The following CCDC30 variants were observed in gnomAD, a reference collection of about 807,000 sequenced individuals.
CCDC30 encodes coiled-coil domain containing 30, also known as coiled-coil domain-containing protein 30.
A neutral mutation model predicts 100.2 loss-of-function variants in CCDC30; 70 were observed. The observed-to-expected ratio is 0.70, with a 90% CI of 0.58 to 0.85. The LOEUF (loss-of-function observed/expected upper bound fraction) is 0.85. Among genes scored for constraint, CCDC30 ranks in the 40% least tolerant of loss-of-function variants. The pLI is 0.00. For synonymous variants in CCDC30, 233 were observed against 269.5 expected (o/e 0.86, Z 1.33); for missense variants, 652 against 771.2 (o/e 0.85, Z 1.83).
chr1:42,497,059 T>G (rs1644242878), intron 4 of CCDC30, 39 bp from the exon 5 acceptor site: 10 of 1,120,510 alleles, frequency 8.9e-6, no homozygotes, highest in Non-Finnish European at 1.0e-5. Flanking sequence ...AACTAAAACT[T>G]TGATCCAGTT....
At chr1:42,544,996 T>C (rs528158114) in intron 6 of CCDC30, among the ~76,000 whole-genome samples, 2 of 151,914 alleles carry the variant, frequency 1.3e-5, no homozygotes, top group East Asian at 1.9e-4. Flanking sequence ...GTTTTTATTA[T>C]ATATTATTGC....
At chr1:42,623,817 T>G (rs1345970420) in intron 11 of CCDC30, among the ~76,000 whole-genome samples, 1 of 152,228 alleles carries the variant, frequency 6.6e-6, no homozygotes, top group Non-Finnish European at 1.5e-5. Context: ...TGTAGATTGC[T>G]TTTGGTAATA....
At chr1:42,642,315 T>C (rs914560990) in intron 12 of CCDC30, among the ~76,000 whole-genome samples, 158 bp from the exon 17 acceptor site, 2 of 151,314 alleles carry the variant, frequency 1.3e-5, no homozygotes, top group Admixed American at 6.6e-5. Context: ...TTAGCTACAG[T>C]GAATGACAAT....
intron 6 of CCDC30, among the ~76,000 whole-genome samples, chr1:42,503,708 C>T (rs1644355013): frequency 6.6e-6 from 1 of 152,222 alleles, no homozygotes; most frequent in Non-Finnish European, 1.5e-5. Flanking sequence ...CTCAATTTTA[C>T]AGGCTGCTCT....
At chr1:42,649,041 T>A (rs1648121777) in intron 15 of CCDC30, among the ~76,000 whole-genome samples, 1 of 152,112 alleles carries the variant, frequency 6.6e-6, no homozygotes, top group South Asian at 2.1e-4. Context: ...AATCATATGA[T>A]CAAAGCCATA....
intron 6 of CCDC30, among the ~76,000 whole-genome samples, chr1:42,562,808 C>G (rs926422965): frequency 6.6e-6 from 1 of 152,162 alleles, no homozygotes; most frequent in Non-Finnish European, 1.5e-5. Flanking sequence ...TGAACAGACA[C>G]TTCTCAAAAG....
At chr1:42,572,561 T>C (rs545719234) in intron 7 of CCDC30, among the ~76,000 whole-genome samples, 1 of 152,310 alleles carries the variant, frequency 6.6e-6, no homozygotes, top group South Asian at 2.1e-4. Flanking sequence ...TTTAATATCT[T>C]ACTACTTCAA....
At chr1:42,603,764 C>G (rs1324340) in intron 10 of CCDC30, among the ~76,000 whole-genome samples, 30,186 of 152,126 alleles carry the variant, frequency 0.2, 3,306 homozygotes, top group South Asian at 0.42. Flanking sequence ...ATCCAGAAAC[C>G]ATGCTCCTTG....
intron 3 of CCDC30, among the ~76,000 whole-genome samples, chr1:42,489,593 C>T (rs996571869): frequency 6.6e-6 from 1 of 152,084 alleles, no homozygotes; most frequent in African/African-American, 2.4e-5. Context: ...CTAGCAATAT[C>T]GCTGGTGATG....
upstream of CCDC30, chr1:42,459,892 C>T: frequency 6.2e-7 from 1 of 1,612,876 alleles, no homozygotes; most frequent in South Asian, 1.1e-5. Flanking sequence ...AATCTTCAGT[C>T]TCGACACACA....
intron 6 of CCDC30, among the ~76,000 whole-genome samples, chr1:42,544,624 T>A (rs998377375): frequency 2.0e-5 from 3 of 152,156 alleles, no homozygotes; most frequent in African/African-American, 7.2e-5. Flanking sequence ...AAGCCATTTT[T>A]CCATCTCAGC....
At chr1:42,505,608 T>G (rs190354149) in intron 6 of CCDC30, among the ~76,000 whole-genome samples, 5 of 152,352 alleles carry the variant, frequency 3.3e-5, no homozygotes, top group Admixed American at 1.3e-4. Flanking sequence ...GAATAATTAT[T>G]TCTACATAGG....
At chr1:42,644,793 A>G in exon 14 of CCDC30, 1 of 1,609,048 alleles carries the variant, frequency 6.2e-7, no homozygotes, top group Middle Eastern at 1.7e-4. Flanking sequence ...GAGCATCCAT[A>G]TTCGCAGAGG....
chr1:42,473,337 C>A, intron 1 of CCDC30: 1 of 1,141,148 alleles, frequency 8.8e-7, no homozygotes, highest in Middle Eastern at 3.3e-4. Context: ...TTAAAGACAC[C>A]TGTGATTTTG....
chr1:42,500,520 T>G (rs746331961), intron 6 of CCDC30, among the ~76,000 whole-genome samples: 48 of 151,976 alleles, frequency 3.2e-4, no homozygotes, highest in Non-Finnish European at 5.7e-4. Flanking sequence ...TTCACACCAT[T>G]CTCTTGCCTC....
chr1:42,473,176 C>G (rs1360215111), intron 1 of CCDC30: 2 of 1,230,850 alleles, frequency 1.6e-6, no homozygotes, highest in Non-Finnish European at 2.0e-6. Context: ...AGAAATCAAT[C>G]CCCTTGCTAC....
At chr1:42,624,662 A>G (rs1570282399) in intron 11 of CCDC30, among the ~76,000 whole-genome samples, 1 of 152,106 alleles carries the variant, frequency 6.6e-6, no homozygotes, top group Non-Finnish European at 1.5e-5. Flanking sequence ...AATTTTTTGT[A>G]GAGATGGAGT....
In CCDC30 at chr1:42,555,556, T is replaced by G. The variant is rs573989738; in HGVS notation, c.457-10740T>G. ...TATTAAAATCATTATAACCTGTGTC[T>G]GCTCAATGCCATACTAAAAGTTGAA... On this transcript the variant is annotated intron_variant, in intron 6 of 16. Transcript: ENST00000668663. Among the ~76,000 whole-genome samples the G allele has an allele frequency of 4.7e-4, 72 of 152,374 alleles. 1 individual carries two copies. In the South Asian group the frequency reaches 0.014, roughly 30 times the overall value.
intron 6 of CCDC30, among the ~76,000 whole-genome samples, chr1:42,526,424 AAT>A (rs970703278): frequency 3.2e-4 from 49 of 151,854 alleles, no homozygotes; most frequent in African/African-American, 1.2e-3. Flanking sequence ...CTCGCTGAGT[AAT>A]TTCTAAGTTC....
Sources: allele counts gnomAD v4.1 joint callset (sites outside exome capture counted in the v4.1 genomes callset), GRCh38; gene constraint gnomAD v4.1.1; transcripts MANE v1.5; gene names NCBI Gene and HGNC (gene_info 2026-07-23, HGNC 2026-07-21).